The following GALNT17 variants were observed in gnomAD, a reference collection of about 807,000 sequenced individuals.
GALNT17 encodes the protein polypeptide N-acetylgalactosaminyltransferase 17.
Under a neutral mutation model 63.7 loss-of-function variants are expected in GALNT17, and 29 were observed. That is an observed-to-expected ratio of 0.46 (90% CI 0.34 to 0.62). The LOEUF (loss-of-function observed/expected upper bound fraction) is 0.62. Ranked by LOEUF, GALNT17 falls within the 20% of genes least tolerant of loss-of-function variation. The pLI, the probability that GALNT17 is intolerant of heterozygous loss-of-function variation, is 0.01. For synonymous variants in GALNT17, 305 were observed against 318.3 expected (o/e 0.96, Z 0.45); for missense variants, 603 against 799.6 (o/e 0.75, Z 2.97).
At chr7:71,419,675 T>A (rs73363747) in intron 4 of GALNT17, among the ~76,000 whole-genome samples, 6,902 of 152,044 alleles carry the variant, frequency 0.045, 563 homozygotes, top group African/African-American at 0.16. Context: ...AGGTGGTGAG[T>A]GAGGTAGGAG....
In GALNT17 at chr7:71,460,683, A is replaced by T. The variant is rs1377117868; in HGVS notation, c.962+39578A>T. On this transcript the variant is annotated intron_variant, in intron 5 of 10. Transcript: ENST00000333538. ...ATAATGGCTACTCCCTATGCAGAAC[A>T]GCCCTGAGGGCTGCTGGTTGCCCAT... is the stretch of plus-strand genomic sequence containing the variant. 1.3e-5 allele frequency among the ~76,000 whole-genome samples: 2 copies of T among 152,172 alleles called. 1 individual carries two copies.
intron 1 of GALNT17, among the ~76,000 whole-genome samples, chr7:71,228,668 T>C (rs550095840): frequency 5.9e-5 from 9 of 152,304 alleles, no homozygotes; most frequent in Admixed American, 5.9e-4. Context: ...TTCCAATCTT[T>C]CTATGCTTTG....
intron 2 of GALNT17, 40 bp from the exon 3 acceptor site, chr7:71,388,195 C>A: frequency 6.3e-7 from 1 of 1,596,580 alleles, no homozygotes; most frequent in East Asian, 2.2e-5. Flanking sequence ...GAGCTTTTAT[C>A]CTTCCTCTGA....
At chr7:71,501,204 A>G (rs1477708819) in intron 5 of GALNT17, among the ~76,000 whole-genome samples, 1 of 151,942 alleles carries the variant, frequency 6.6e-6, no homozygotes, top group Non-Finnish European at 1.5e-5. Flanking sequence ...CCTGGCCTCA[A>G]ATGATCCATC....
intron 2 of GALNT17, among the ~76,000 whole-genome samples, chr7:71,372,163 T>A (rs906997019): frequency 7.3e-5 from 11 of 151,500 alleles, no homozygotes; most frequent in African/African-American, 2.4e-5. Flanking sequence ...TTCTTTTCTA[T>A]TTTTTTATTT....
intron 1 of GALNT17, among the ~76,000 whole-genome samples, chr7:71,144,028 A>C (rs970456816): frequency 6.6e-5 from 10 of 152,126 alleles, no homozygotes; most frequent in African/African-American, 2.4e-4. Context: ...CTGTGACTCC[A>C]CGATCACATC....
At chr7:71,253,257 C>G (rs1344708571) in intron 1 of GALNT17, among the ~76,000 whole-genome samples, 1 of 152,142 alleles carries the variant, frequency 6.6e-6, no homozygotes, top group Non-Finnish European at 1.5e-5. Flanking sequence ...CTGGGGAGGC[C>G]TTACAATCAT....
In GALNT17 at chr7:71,161,021, C is replaced by T. The variant is rs190963531; in HGVS notation, c.238+27981C>T. 3.2e-3 allele frequency among the ~76,000 whole-genome samples: 481 copies of T among 148,786 alleles called. 2 individuals are homozygous for T. The highest frequency in any genetic ancestry group is 0.011 in the African/African-American group (442 of 40,074). On this transcript the variant is annotated intron_variant, in intron 1 of 10. Transcript: ENST00000333538. ...GCTAATTAAAACAATTTTTTTTTTC[C>T]GTAGAGATAGGGTCTTGCTATGTTG...
At chr7:71,433,700 G>A (rs1367507302) in intron 5 of GALNT17, among the ~76,000 whole-genome samples, 2 of 152,122 alleles carry the variant, frequency 1.3e-5, no homozygotes, top group Admixed American at 6.6e-5. Context: ...ATCCAATCGG[G>A]GTCAAATTTT....
chr7:71,426,572 G>A (rs566711713), intron 5 of GALNT17, among the ~76,000 whole-genome samples: 9 of 152,140 alleles, frequency 5.9e-5, no homozygotes, highest in South Asian at 4.1e-4. Flanking sequence ...TTTTGAGGAG[G>A]CCTCATAGAG....
rs531352270 is a variant in GALNT17, at chr7:71,414,917, TC to T, written c.590-968del. 2.5e-4 allele frequency among the ~76,000 whole-genome samples: 38 copies of T among 152,088 alleles called. 4 individuals carry two copies. The East Asian group carries it at 2.9e-3, about 12-fold the overall frequency. On this transcript the variant is annotated intron_variant, in intron 3 of 10. Transcript: ENST00000333538. Reference sequence around the variant, plus strand: ...TACCTGGAGTGCAAGTATCTAAGAATCCCCTCCCTGTTAGCCCCTCCTTTTC... The same window carrying T: ...TACCTGGAGTGCAAGTATCTAAGAATCCCTCCCTGTTAGCCCCTCCTTTTC...
chr7:71,377,179 C>CCATGACA (rs994112440), intron 2 of GALNT17, among the ~76,000 whole-genome samples: 1 of 140,320 alleles, frequency 7.1e-6, no homozygotes, highest in African/African-American at 2.7e-5. Flanking sequence ...GTTTGTTTGC[C>CCATGACA]CATGACAGGC....
chr7:71,634,525 G>A (rs1397356824), intron 6 of GALNT17, among the ~76,000 whole-genome samples: 1 of 152,036 alleles, frequency 6.6e-6, no homozygotes. Flanking sequence ...AGGCTGAGGC[G>A]GGCAGATCAC....
chr7:71,709,791 GT>G (rs1271312389), intron 9 of GALNT17, among the ~76,000 whole-genome samples: 1 of 152,112 alleles, frequency 6.6e-6, no homozygotes, highest in African/African-American at 2.4e-5. Context: ...AAGAGACGGA[GT>G]TTGGCCATGT....
At chr7:71,169,851 C>T (rs529825571) in intron 1 of GALNT17, among the ~76,000 whole-genome samples, 2 of 152,226 alleles carry the variant, frequency 1.3e-5, no homozygotes, top group East Asian at 1.9e-4. Context: ...CCATTGCCCC[C>T]AGCCTTGGTG....
chr7:71,648,276 T>TC (rs1170647615), intron 6 of GALNT17, among the ~76,000 whole-genome samples: 1 of 152,108 alleles, frequency 6.6e-6, no homozygotes. Flanking sequence ...GCTACTTTTT[T>TC]TTTTTTTTTT....
At chr7:71,500,288 C>T (rs529891011) in intron 5 of GALNT17, among the ~76,000 whole-genome samples, 1 of 152,232 alleles carries the variant, frequency 6.6e-6, no homozygotes, top group South Asian at 2.1e-4. Flanking sequence ...TAGTGTTTAG[C>T]GAAGGGCTCC....
intron 5 of GALNT17, among the ~76,000 whole-genome samples, chr7:71,535,532 G>A (rs753318092): frequency 1.3e-5 from 2 of 152,218 alleles, no homozygotes; most frequent in South Asian, 4.1e-4. Context: ...TAATGTCTAT[G>A]TATTCTCACC....
At chr7:71,400,505 A>G (rs1422776778) in intron 3 of GALNT17, among the ~76,000 whole-genome samples, 1 of 152,164 alleles carries the variant, frequency 6.6e-6, no homozygotes, top group Non-Finnish European at 1.5e-5. Flanking sequence ...CAAATCCATC[A>G]GTCTTTTCTT....
Sources: allele counts gnomAD v4.1 joint callset (sites outside exome capture counted in the v4.1 genomes callset), GRCh38; gene constraint gnomAD v4.1.1; transcripts MANE v1.5; gene names NCBI Gene and HGNC (gene_info 2026-07-23, HGNC 2026-07-21).